The following FAN1 variants were observed in gnomAD, a reference collection of about 807,000 sequenced individuals.
The protein encoded by FAN1 is fanconi-associated nuclease 1.
In FAN1, 91 loss-of-function variants were observed where a neutral mutation model predicts 104.9. That is an observed-to-expected ratio of 0.87 (90% CI 0.73 to 1.03). The LOEUF (loss-of-function observed/expected upper bound fraction) is 1.03, where lower values mean the gene tolerates loss of function less well. Ranked by LOEUF, FAN1 falls within the 50% of genes least tolerant of loss-of-function variation. The pLI is 0.00. For missense variants in FAN1, 1,263 were observed against 1,239.9 expected (o/e 1.02, Z -0.28); for synonymous variants, 478 against 457.6 (o/e 1.04, Z -0.57).
intron 5 of FAN1, among the ~76,000 whole-genome samples, chr15:30,917,914 T>G (rs1047149694): frequency 2.0e-5 from 3 of 152,362 alleles, no homozygotes; most frequent in Admixed American, 1.3e-4. Context: ...CATATCACAT[T>G]TATAGAATGG....
chr15:30,922,370 A>T lies in FAN1; in HGVS notation c.2172+16A>T. Reference sequence around the variant, plus strand: ...CCTGGAACCGGTACTCAGTAACAAAACATATCTGAAACACCTTTTCATTTT... The same window carrying T: ...CCTGGAACCGGTACTCAGTAACAAATCATATCTGAAACACCTTTTCATTTT... On this transcript the variant is annotated intron_variant, in intron 8 of 14. Coordinates refer to ENST00000362065, the MANE Select transcript of FAN1 (RefSeq NM_014967.5). 1.3e-6 allele frequency: 2 copies of T among 1,585,060 alleles called. No individual in the cohort carries two copies. Among genetic ancestry groups the T allele is most frequent in the Non-Finnish European group, 1.7e-6 (2 of 1,172,674 alleles).
At chr15:30,927,915 CCAGT>C in intron 10 of FAN1, 5 of 985,726 alleles carry the variant, frequency 5.1e-6, no homozygotes, top group Non-Finnish European at 6.0e-6. Flanking sequence ...AGGTCATCTC[CCAGT>C]CAGTAAAACA....
chr15:30,938,320 TAAG>T (rs1189080384), intron 14 of FAN1, among the ~76,000 whole-genome samples: 2 of 152,210 alleles, frequency 1.3e-5, no homozygotes, highest in African/African-American at 2.4e-5. Flanking sequence ...TATGATTATC[TAAG>T]AAGGGCTGAA....
chr15:30,941,413 T>G, intron 14 of FAN1, 153 bp from the exon 15 acceptor site: 1 of 1,563,848 alleles, frequency 6.4e-7, no homozygotes, highest in East Asian at 2.3e-5. Context: ...TTAGCAATGT[T>G]AATTCAGAGG....
chr15:30,909,619 C>T (rs1448245994), intron 3 of FAN1, among the ~76,000 whole-genome samples: 2 of 152,222 alleles, frequency 1.3e-5, no homozygotes, highest in Non-Finnish European at 2.9e-5. Context: ...CAGTCAAGTG[C>T]AAGTCCCATC....
chr15:30,939,376 G>A (rs1566939309), intron 14 of FAN1: 1 of 985,456 alleles, frequency 1.0e-6, no homozygotes, highest in East Asian at 1.1e-4. Context: ...AGTGCGCCCT[G>A]TGCAGCCACA....
intron 13 of FAN1, among the ~76,000 whole-genome samples, chr15:30,934,813 G>C (rs760553796): frequency 1.3e-5 from 2 of 152,212 alleles, no homozygotes; most frequent in African/African-American, 4.8e-5. Flanking sequence ...ACACTTTAGA[G>C]TAAAAAGAAC....
chr15:30,905,234 A>T lies in FAN1; in HGVS notation c.571A>T (p.Ser191Cys). The change falls in exon 2 of 15, where the codon AGC (serine) becomes TGC (cysteine). Residue 191 changes from serine to cysteine, a missense_variant. Physicochemically the swap from Ser to Cys is moderately radical, Grantham distance 112 (BLOSUM62 -1). Coordinates refer to ENST00000362065, the MANE Select transcript of FAN1 (RefSeq NM_014967.5). Reference sequence around the variant, plus strand: ...GAGTTCCAAATCCACAGTTGTTAAGAGCCTGATTGATAACTCTTCAGAAAT... The same window carrying T: ...GAGTTCCAAATCCACAGTTGTTAAGTGCCTGATTGATAACTCTTCAGAAAT... The part of the protein sequence containing the change: ...PQSSKSTVVK[S>C]LIDNSSEIED... The T allele has an allele frequency of 1.2e-6, 2 of 1,614,022 alleles. No homozygotes were observed. Among genetic ancestry groups the T allele is most frequent in the Non-Finnish European group, 1.7e-6 (2 of 1,179,982 alleles).
chr15:30,904,642 A>T lies in FAN1; in HGVS notation c.-22A>T. 6.2e-7 allele frequency: 1 copy of T among 1,608,000 alleles called. No individual in the cohort carries two copies. Among genetic ancestry groups the T allele is most frequent in the Non-Finnish European group, 8.5e-7 (1 of 1,177,574 alleles). ...AATATCCTGTGTTTTATTGCTCAGAACATCCAGTTTTTCTAATACTCATGA... is the reference window on the plus strand; with the variant it reads ...AATATCCTGTGTTTTATTGCTCAGATCATCCAGTTTTTCTAATACTCATGA... On this transcript the variant is annotated 5_prime_UTR_variant, in exon 2 of 15. Transcript: ENST00000362065.
In FAN1 at chr15:30,905,006, G is replaced by T. The variant is rs2061941232; in HGVS notation, c.343G>T (p.Asp115Tyr). The change falls in exon 2 of 15, where the codon GAT (aspartate) becomes TAT (tyrosine). Residue 115 changes from aspartate (D) to tyrosine (Y), a missense_variant. Around this residue, in one of 2 missense-constraint regions of FAN1, gnomAD observed 682 missense variants for 571.1 expected, o/e 1.19. Transcript: ENST00000362065. ...GACAAATTTAACCCCTGGCCAAAGT[G>T]ATTCAGCAAAAAGGGAAGTAAAGCA... is the stretch of plus-strand genomic sequence containing the variant. Reference protein sequence around the residue: ...PKTNLTPGQSDSAKREVKQKI... With the variant: ...PKTNLTPGQSYSAKREVKQKI... 3.1e-6 allele frequency: 5 copies of T among 1,613,880 alleles called. No individual in the cohort carries two copies. Among genetic ancestry groups the T allele is most frequent in the Non-Finnish European group, 3.4e-6 (4 of 1,180,012 alleles).
rs758204139 is a variant in FAN1, at chr15:30,941,797, C to G, written c.*235C>G. 13 of 1,614,012 alleles carry G rather than the reference C, an allele frequency of 8.1e-6. No individual in the cohort carries two copies. The highest frequency in any genetic ancestry group is 1.1e-5 in the Non-Finnish European group (13 of 1,179,892). On this transcript the variant is annotated 3_prime_UTR_variant, in exon 15 of 15. Transcript: ENST00000362065. ...CTGTGATGGAGCCACCCAGGCTGAT[C>G]TGGGCCTCGGGAACCCAGCGGAAGT...
intron 3 of FAN1, among the ~76,000 whole-genome samples, chr15:30,910,181 G>A (rs912737458): frequency 7.2e-5 from 11 of 152,224 alleles, no homozygotes; most frequent in Admixed American, 2.6e-4. Context: ...CACAGTAGCC[G>A]AACAGGCTCA....
rs2063092777 is a variant in FAN1, at chr15:30,942,653, G to A, written c.*1091G>A. The A allele has an allele frequency of 2.1e-6, 1 of 481,744 alleles. No homozygotes were observed. The highest frequency in any genetic ancestry group is 2.0e-5 in the African/African-American group (1 of 50,464). 29.8% of individuals were successfully genotyped at this position (481,744 alleles called of 1,614,324 possible). ...GATAAATGGGGCTTTAGTAAATCAG[G>A]CTTGCAGGCTCAAAGCTGCAATCTG... On this transcript the variant is annotated 3_prime_UTR_variant, in exon 15 of 15. Transcript: ENST00000362065.
intron 6 of FAN1, 88 bp from the exon 7 acceptor site, chr15:30,920,457 G>C: frequency 1.2e-6 from 1 of 846,912 alleles, no homozygotes; most frequent in Non-Finnish European, 2.0e-6. Context: ...TTAAAAGATA[G>C]GAATTCAGTC....
chr15:30,928,201 GTCCCAGCCT>G (rs2062514287), intron 10 of FAN1: 1 of 1,032,068 alleles, frequency 9.7e-7, no homozygotes, highest in African/African-American at 1.7e-5. Context: ...GCCCTGCTAA[GTCCCAGCCT>G]TGGGAACCTG....
intron 14 of FAN1, chr15:30,940,070 A>C: frequency 1.0e-6 from 1 of 982,726 alleles, no homozygotes; most frequent in Non-Finnish European, 1.2e-6. Flanking sequence ...GTTTTAGAAA[A>C]GGAAATAAGC....
At chr15:30,916,481 T>A (rs2062201208) in intron 5 of FAN1, among the ~76,000 whole-genome samples, 1 of 152,220 alleles carries the variant, frequency 6.6e-6, no homozygotes, top group South Asian at 2.1e-4. Flanking sequence ...CATCTCATAT[T>A]CTTTCTAGAA....
At chr15:30,940,500 CA>C in intron 14 of FAN1, 1 of 985,384 alleles carries the variant, frequency 1.0e-6, no homozygotes, top group Non-Finnish European at 1.2e-6. Flanking sequence ...TAGTTATTTC[CA>C]GGGGGAAGTG....
In FAN1 at chr15:30,913,859, G is replaced by T. The variant is rs1238172343; in HGVS notation, c.1579G>T (p.Ala527Ser). ...PGIGAVILKR[A>S]KALAGQSVRI... ...ATTTCTACATTGTACATTTTTCAGAGCCAAAGCCTTGGCTGGACAGTCAGT... is the reference window on the plus strand; with the variant it reads ...ATTTCTACATTGTACATTTTTCAGATCCAAAGCCTTGGCTGGACAGTCAGT... Residue 527 changes from alanine to serine, a missense_variant and splice_region_variant, in exon 5 of 15, where the codon GCC (alanine) becomes TCC (serine). By Grantham distance (99) the Ala-to-Ser change is moderately conservative. Coordinates refer to ENST00000362065, the MANE Select transcript of FAN1 (RefSeq NM_014967.5). The T allele has an allele frequency of 2.5e-6, 4 of 1,601,068 alleles. No homozygotes were observed. Among genetic ancestry groups the T allele is most frequent in the Non-Finnish European group, 2.6e-6 (3 of 1,173,026 alleles).
Sources: gnomAD v4.1 joint callset for allele counts (sites outside exome capture counted in the v4.1 genomes callset) on GRCh38, gnomAD v4.1.1 for gene constraint, gnomAD v4.1.1 regional missense constraint, MANE v1.5 for transcripts, NCBI Gene and HGNC (gene_info 2026-07-23, HGNC 2026-07-21) for gene names.